SALL2: variants seen among roughly 807,000 people sequenced by gnomAD.
The protein encoded by SALL2 is sal-like protein 2.
In SALL2, 32 loss-of-function variants were observed where a neutral mutation model predicts 58.5. The ratio of observed to expected loss-of-function variants is 0.55; its 90% CI spans 0.41 to 0.74. SALL2 has a LOEUF of 0.74. Among genes scored for constraint, SALL2 ranks in the 30% least tolerant of loss-of-function variants. SALL2 has a pLI of 0.00. For missense variants in SALL2, 1,201 were observed against 1,268.9 expected, an observed-to-expected ratio of 0.95 and a Z score of 0.81; for synonymous variants, 516 against 513.6, an observed-to-expected ratio of 1.00 and a Z score of -0.06.
rs770834331 is a variant in SALL2 at position 21,522,782 on chromosome 14, TAGAG to T, written c.2936_2939del (p.Ser979Ter). 11 of 1,592,798 alleles carry T rather than the reference TAGAG, an allele frequency of 6.9e-6. No individual in the cohort carries two copies. In the Admixed American group the frequency reaches 8.8e-5, roughly 13 times the overall value. ...TGATGGAAGGCGAACAGCCAGGGAC[TAGAG>T]AAAGAGCAGCAATATTCTGAGGGCC... On this transcript the variant is annotated frameshift_variant, in exon 2 of 2. Transcript: ENST00000537235. LOFTEE classifies it high-confidence loss of function.
In SALL2 at chr14:21,522,589, A is replaced by C; in HGVS notation, c.*115T>G. 1 of 1,444,042 alleles carries C rather than the reference A, an allele frequency of 6.9e-7. No homozygotes were observed. Among genetic ancestry groups the C allele is most frequent in the Non-Finnish European group, 9.1e-7 (1 of 1,100,638 alleles). 89.5% of individuals were successfully genotyped at this position (1,444,042 alleles called of 1,614,324 possible). A position where few individuals can be genotyped will look rare whatever the true frequency, so the allele number is the denominator to read the frequency against. On this transcript the variant is annotated 3_prime_UTR_variant, in exon 2 of 2. Transcript: ENST00000537235. ...CTACAGAAAAGCCACTAGGGACATA[A>C]CATGTTAAGAACTTAGAGAAAAAGA...
chr14:21,526,761 G>A (rs1167513989), upstream of SALL2, among the ~76,000 whole-genome samples: 2 of 152,204 alleles, frequency 1.3e-5, no homozygotes, highest in Non-Finnish European at 1.5e-5. Context: ...CAGAAGAAGA[G>A]GGGGAGATCA....
chr14:21,529,463 T>A (rs1159579756), upstream of SALL2, among the ~76,000 whole-genome samples: 1 of 152,082 alleles, frequency 6.6e-6, no homozygotes, highest in Non-Finnish European at 1.5e-5. Flanking sequence ...GGTGATACAT[T>A]TGAACAGCGG....
chr14:21,526,437 G>T (rs1892317563), upstream of SALL2: 2 of 1,339,930 alleles, frequency 1.5e-6, no homozygotes, highest in Admixed American at 3.5e-5. Flanking sequence ...GAGCGCTAGC[G>T]GGGGCGTGGG....
intron 1 of SALL2, chr14:21,536,710 C>A: frequency 1.6e-6 from 1 of 626,936 alleles, no homozygotes; most frequent in Middle Eastern, 4.2e-4. Flanking sequence ...TTACTCCCTG[C>A]ATCTCAACTC....
Position 21,523,455 on chromosome 14 carries a change from G to C in SALL2, c.2267C>G (p.Pro756Arg), listed in dbSNP as rs372214185. The C allele has an allele frequency of 9.4e-4, 1,524 of 1,614,036 alleles. 22 individuals are homozygous for C. In the South Asian group the frequency reaches 0.016, roughly 17 times the overall value. Reference sequence around the variant, plus strand: ...CTCCTCCTCAGACAACTCCTCTTCCGGTGATGGCTGCTGGGACTGCTGCTG... The same window carrying C: ...CTCCTCCTCAGACAACTCCTCTTCCCGTGATGGCTGCTGGGACTGCTGCTG... ...FPQQQSQQPS[P>R]EEELSEEEEE... The change falls in exon 2 of 2, where the codon CCG (proline) becomes CGG (arginine). Residue 756 changes from proline (P) to arginine (R), a missense_variant. Transcript: ENST00000537235. The surrounding 1 kb of genome is among the most constrained non-coding windows in gnomAD (Gnocchi z 4.4).
At chr14:21,527,343 G>C (rs1435367031), upstream of SALL2, among the ~76,000 whole-genome samples, 1 of 152,218 alleles carries the variant, frequency 6.6e-6, no homozygotes, top group East Asian at 1.9e-4. Flanking sequence ...CTCCTATTCA[G>C]ACAGGATAAG....
Position 21,524,579 on chromosome 14 carries a change from G to A in SALL2, c.1143C>T (p.Gly381=), listed in dbSNP as rs1213379473. 3.1e-6 allele frequency: 5 copies of A among 1,614,246 alleles called. No homozygotes were observed. The highest frequency in any genetic ancestry group is 4.2e-6 in the Non-Finnish European group (5 of 1,180,048). Residue 381 remains glycine (G), a synonymous_variant, in exon 2 of 2, where the codon GGC becomes GGT. Transcript: ENST00000537235. ...HKCRFCAKVF[G]SDSALQIHLR... is the part of the protein sequence containing the mutation. ...GGTGGATCTGCAGGGCACTGTCACT[G>A]CCAAATACTTTGGCACAGAAGCGGC...
intron 1 of SALL2, chr14:21,536,709 G>A (rs1892605952): frequency 3.2e-6 from 2 of 625,768 alleles, no homozygotes; most frequent in Admixed American, 2.8e-5. Flanking sequence ...CTTACTCCCT[G>A]CATCTCAACT....
In SALL2 at chr14:21,522,675, C is replaced by G; in HGVS notation, c.*29G>C. 1 of 1,509,858 alleles carries G rather than the reference C, an allele frequency of 6.6e-7. No homozygotes were observed. Among genetic ancestry groups the G allele is most frequent in the Non-Finnish European group, 8.8e-7 (1 of 1,130,316 alleles). 93.5% of individuals were successfully genotyped at this position (1,509,858 alleles called of 1,614,324 possible). A position where few individuals can be genotyped will look rare whatever the true frequency, so the allele number is the denominator to read the frequency against. ...GTGAAGCTGTTTCTGCTCTGTGGGA[C>G]AAAGAGCAGCAGGTACAGAAAAACA... On this transcript the variant is annotated 3_prime_UTR_variant, in exon 2 of 2. Transcript: ENST00000537235.
chr14:21,525,529 C>T lies in SALL2; in HGVS notation c.193G>A (p.Gly65Arg). ...GAGTTGTTGGGGTTCTCCTGGCCCC[C>T]AATTATCACCATTACAGGAGGGTCA... is the stretch of plus-strand genomic sequence containing the variant. ...STDPPVMVII[G>R]GQENPNNSSA... Residue 65 changes from glycine to arginine, a missense_variant, in exon 2 of 2, where the codon GGG becomes AGG. Physicochemically the swap from Gly to Arg is moderately radical, Grantham distance 125 (BLOSUM62 -2). Coordinates refer to ENST00000537235, the MANE Select transcript of SALL2 (RefSeq NM_001364564.1). The surrounding 1 kb of genome is among the most constrained non-coding windows in gnomAD (Gnocchi z 4.4). 2 of 1,613,922 alleles carry T rather than the reference C, an allele frequency of 1.2e-6. No individual in the cohort carries two copies. Among genetic ancestry groups the T allele is most frequent in the Non-Finnish European group, 1.7e-6 (2 of 1,179,968 alleles).
At chr14:21,536,816 C>T (rs766038350) in intron 1 of SALL2, 14 of 1,602,750 alleles carry the variant, frequency 8.7e-6, no homozygotes, top group Admixed American at 3.3e-5. Context: ...CAGGCTTGGA[C>T]TTAGGGGCCC....
In SALL2 at chr14:21,523,605, T is replaced by C. The variant is rs758093734; in HGVS notation, c.2117A>G (p.Gln706Arg). ...GCCCCCCAGGTGCATCCGGACATGC[T>C]GCTGCAGAGTGACAGCATTGGTGAA... Reference protein sequence around the residue: ...KKFTNAVTLQQHVRMHLGGQI... With the variant: ...KKFTNAVTLQRHVRMHLGGQI... Residue 706 changes from glutamine (Q) to arginine (R), a missense_variant, in exon 2 of 2, where the codon CAG becomes CGG. Around this residue, in one of 3 missense-constraint regions of SALL2, gnomAD observed 675 missense variants for 683.8 expected, o/e 0.99. Transcript: ENST00000537235. The surrounding 1 kb of genome is among the most constrained non-coding windows in gnomAD (Gnocchi z 4.4). 11 of 1,614,230 alleles carry C rather than the reference T, an allele frequency of 6.8e-6. No homozygotes were observed. Among genetic ancestry groups the C allele is most frequent in the Non-Finnish European group, 9.3e-6 (11 of 1,180,044 alleles).
At chr14:21,526,014 T>TACCCCACC in intron 1 of SALL2, 47 bp downstream of exon 1, 1 of 1,041,066 alleles carries the variant, frequency 9.6e-7, no homozygotes, top group Non-Finnish European at 1.4e-6. Flanking sequence ...CCCCTGCGCA[T>TACCCCACC]CCCCCTCCGC....
upstream of SALL2, among the ~76,000 whole-genome samples, chr14:21,530,045 GA>G (rs1892416572): frequency 6.6e-6 from 1 of 152,030 alleles, no homozygotes; most frequent in African/African-American, 2.4e-5. Flanking sequence ...CAGACAAAAT[GA>G]ACTCTCAATG....
In SALL2 at chr14:21,525,374, T is replaced by C. The variant is rs868294799; in HGVS notation, c.348A>G (p.Gly116=). 1.2e-6 allele frequency: 2 copies of C among 1,614,036 alleles called. No individual in the cohort carries two copies. Among genetic ancestry groups the C allele is most frequent in the African/African-American group, 2.7e-5 (2 of 75,010 alleles). Residue 116 remains glycine (G), a synonymous_variant, in exon 2 of 2, where the codon GGA becomes GGG. Coordinates refer to ENST00000537235, the MANE Select transcript of SALL2 (RefSeq NM_001364564.1). This position sits in a 1 kb window ranked among gnomAD's most constrained non-coding sequence, Gnocchi z 4.4. ...TDPTWGPERR[G]EESSGHFLVA... The stretch of plus-strand genomic sequence containing the variant: ...CCAGGAAATGCCCTGAAGACTCCTC[T>C]CCTCTCCTCTCTGGGCCCCAGGTGG...
chr14:21,529,315 G>C (rs1892400041), upstream of SALL2, among the ~76,000 whole-genome samples: 1 of 152,158 alleles, frequency 6.6e-6, no homozygotes, highest in Non-Finnish European at 1.5e-5. Context: ...TAAACTTATA[G>C]AGAGCTGAAA....
rs1343864049 is a variant in SALL2, at chr14:21,524,367, A to G, written c.1355T>C (p.Met452Thr). 2 of 1,614,170 alleles carry G rather than the reference A, an allele frequency of 1.2e-6. No individual in the cohort carries two copies. Among genetic ancestry groups the G allele is most frequent in the South Asian group, 1.1e-5 (1 of 91,084 alleles). The stretch of plus-strand genomic sequence containing the variant: ...CTCGGCCTTCTCTGGTGGCACGGAC[A>G]TACCATAAGGCAAGCCACTGCTGGT... ...VITSSGLPYG[M>T]SVPPEKAEEE... Residue 452 changes from methionine to threonine, a missense_variant, in exon 2 of 2, where the codon ATG (methionine) becomes ACG (threonine). This residue lies in a region of SALL2 where 59 missense variants were observed against 116.2 expected (regional missense o/e 0.51). Transcript: ENST00000537235.
intron 1 of SALL2, among the ~76,000 whole-genome samples, chr14:21,533,525 T>C (rs1450724709): frequency 6.6e-6 from 1 of 152,160 alleles, no homozygotes; most frequent in Non-Finnish European, 1.5e-5. Flanking sequence ...GATGTACTGG[T>C]TTGCATTTTT....
Sources: allele counts gnomAD v4.1 joint callset (sites outside exome capture counted in the v4.1 genomes callset), GRCh38; gene constraint gnomAD v4.1.1; regional missense constraint gnomAD v4.1.1; non-coding constraint Gnocchi (gnomAD v3.1); transcripts MANE v1.5; gene names NCBI Gene and HGNC (gene_info 2026-07-23, HGNC 2026-07-21).